Variants in CDCP1 observed in about 807,000 individuals in gnomAD.
CDCP1 encodes the protein CUB domain containing protein 1.
In CDCP1, 29 loss-of-function variants were observed where a neutral mutation model predicts 60.2. The observed-to-expected ratio is 0.48, with a 90% CI of 0.36 to 0.66. The LOEUF (loss-of-function observed/expected upper bound fraction) is 0.66, where lower values mean the gene tolerates loss of function less well. CDCP1 is among the 30% of genes least tolerant of loss of function. The pLI is 0.00. For synonymous variants in CDCP1, 387 were observed against 431.1 expected (o/e 0.90, Z 1.27); for missense variants, 876 against 1,074.3 (o/e 0.82, Z 2.58).
rs762971938 is a variant in CDCP1, at chr3:45,085,950, C to T, written c.2199G>A (p.Val733=). The T allele has an allele frequency of 5.6e-6, 9 of 1,614,194 alleles. No individual in the cohort carries two copies. Among genetic ancestry groups the T allele is most frequent in the Non-Finnish European group, 7.6e-6 (9 of 1,180,024 alleles). The change falls in exon 9 of 9, where the codon GTG becomes GTA. Residue 733 remains valine, a synonymous_variant. Coordinates refer to ENST00000296129, the MANE Select transcript of CDCP1 (RefSeq NM_022842.5). This position sits in a 1 kb window ranked among gnomAD's most constrained non-coding sequence, Gnocchi z 4.2. Reference sequence around the variant, plus strand: ...CCATGGTGTCCTCGATGACTGCATACACATGGGAGTCATTGTCCTTTCGCC... The same window carrying T: ...CCATGGTGTCCTCGATGACTGCATATACATGGGAGTCATTGTCCTTTCGCC... ...QKGRKDNDSH[V]YAVIEDTMVY... is the part of the protein sequence containing the mutation.
At chr3:45,112,843 A>G (rs1211090857) in intron 2 of CDCP1, among the ~76,000 whole-genome samples, 1 of 152,260 alleles carries the variant, frequency 6.6e-6, no homozygotes, top group Non-Finnish European at 1.5e-5. Flanking sequence ...GGTCAGGCTG[A>G]AGCTACTCTT....
chr3:45,099,179 G>A (rs191591950), intron 4 of CDCP1, among the ~76,000 whole-genome samples: 19 of 150,288 alleles, frequency 1.3e-4, no homozygotes, highest in African/African-American at 4.4e-4. Flanking sequence ...GCCTTCAGGT[G>A]CTTCTTGAGA....
intron 1 of CDCP1, among the ~76,000 whole-genome samples, chr3:45,145,232 C>G (rs570719067): frequency 6.6e-6 from 1 of 152,254 alleles, no homozygotes; most frequent in East Asian, 1.9e-4. Context: ...ACCTGCCAAA[C>G]ACAAATCCAC....
At chr3:45,141,423 T>G (rs1699288554) in intron 1 of CDCP1, among the ~76,000 whole-genome samples, 1 of 152,198 alleles carries the variant, frequency 6.6e-6, no homozygotes, top group East Asian at 1.9e-4. Context: ...CAGAAACTGT[T>G]AGAGGTTTTG....
chr3:45,110,378 A>T, intron 4 of CDCP1, 95 bp downstream of exon 4: 1 of 1,512,202 alleles, frequency 6.6e-7, no homozygotes. Flanking sequence ...GAAGCCACAG[A>T]TGAGAAACAG....
chr3:45,099,167 C>T (rs1698451111), intron 4 of CDCP1, among the ~76,000 whole-genome samples: 1 of 150,968 alleles, frequency 6.6e-6, no homozygotes, highest in Non-Finnish European at 1.5e-5. Flanking sequence ...AGGTGGATTA[C>T]AGCCTTCAGG....
chr3:45,122,521 G>A (rs908159931), intron 1 of CDCP1, among the ~76,000 whole-genome samples: 20 of 151,672 alleles, frequency 1.3e-4, no homozygotes, highest in African/African-American at 4.9e-4. Flanking sequence ...GAGTGCAATG[G>A]CGTGATCTTG....
At chr3:45,110,307 T>C (rs966456223) in intron 4 of CDCP1, 166 bp downstream of exon 4, 14 of 1,441,612 alleles carry the variant, frequency 9.7e-6, no homozygotes, top group Middle Eastern at 2.6e-4. Context: ...AACAAGCCTG[T>C]CTAACTGCCT....
In CDCP1 at chr3:45,093,755, C is replaced by T. The variant is rs1456473134; in HGVS notation, c.1247-98G>A. The T allele has an allele frequency of 2.2e-6, 3 of 1,360,454 alleles. No individual in the cohort carries two copies. In the Admixed American group the frequency reaches 6.5e-5, roughly 30 times the overall value. 84.3% of individuals were successfully genotyped at this position (1,360,454 alleles called of 1,614,324 possible). On this transcript the variant is annotated intron_variant, in intron 5 of 8. Transcript: ENST00000296129. The stretch of plus-strand genomic sequence containing the variant: ...CCTGAGGTTGGGTGTCTGCATGCTG[C>T]CCTGTGTTTCCCTTCGGTCTCTCTT...
At chr3:45,103,708 G>T (rs1698520221) in intron 4 of CDCP1, among the ~76,000 whole-genome samples, 1 of 152,196 alleles carries the variant, frequency 6.6e-6, no homozygotes, top group South Asian at 2.1e-4. Flanking sequence ...CTGTTATAAA[G>T]CTAGGCTGCC....
chr3:45,124,314 C>T (rs1698937396), intron 1 of CDCP1, among the ~76,000 whole-genome samples: 1 of 152,164 alleles, frequency 6.6e-6, no homozygotes, highest in Admixed American at 6.5e-5. Context: ...AAATAACTGG[C>T]AACCCGTCTA....
intron 4 of CDCP1, among the ~76,000 whole-genome samples, chr3:45,107,945 A>C (rs532912019): frequency 9.2e-5 from 14 of 151,922 alleles, no homozygotes; most frequent in East Asian, 3.9e-4. Context: ...AGTGAAACCC[A>C]ATCTCTACTA....
At chr3:45,111,349 T>C (rs1250810567) in intron 3 of CDCP1, among the ~76,000 whole-genome samples, 2 of 152,246 alleles carry the variant, frequency 1.3e-5, no homozygotes, top group African/African-American at 4.8e-5. Context: ...CGGATCTGTT[T>C]CACATCAGCT....
intron 1 of CDCP1, among the ~76,000 whole-genome samples, chr3:45,126,168 T>TTCTTTCTTTCTA (rs1576113038): frequency 7.1e-6 from 1 of 141,530 alleles, no homozygotes; most frequent in African/African-American, 2.8e-5. Flanking sequence ...CTTTCTTTCT[T>TTCTTTCTTTCTA]TCTTTCCTTC....
chr3:45,093,601 C>T lies in CDCP1; in HGVS notation c.1303G>A (p.Asp435Asn). The change falls in exon 6 of 9, where the codon GAC becomes AAC. Residue 435 changes from aspartate to asparagine, a missense_variant. Transcript: ENST00000296129. ...RKSYSLQVPS[D>N]ILHLPVELHD... ...AGCTCCACAGGCAGGTGGAGGATGT[C>T]ACTGGGCACCTGGAGTGAGTAGGAT... 1 of 1,614,192 alleles carries T rather than the reference C, an allele frequency of 6.2e-7. No individual in the cohort carries two copies. Among genetic ancestry groups the T allele is most frequent in the Non-Finnish European group, 8.5e-7 (1 of 1,180,036 alleles).
At chr3:45,102,110 T>G (rs768370773) in intron 4 of CDCP1, among the ~76,000 whole-genome samples, 2 of 152,042 alleles carry the variant, frequency 1.3e-5, no homozygotes, top group Admixed American at 6.5e-5. Flanking sequence ...CTTGCTCTAT[T>G]ACCCAGGCTG....
At position 45,085,525 on chromosome 3, in the gene CDCP1, C is replaced by A; in HGVS notation, c.*113G>T. On this transcript the variant is annotated 3_prime_UTR_variant, in exon 9 of 9. Transcript: ENST00000296129. The surrounding 1 kb of genome is among the most constrained non-coding windows in gnomAD (Gnocchi z 4.2). ...AGTTGGCGGTGTCCAGGAAAACCTC[C>A]TGCTGTTCCTTCTGTATAATTCCTC... The A allele has an allele frequency of 8.8e-7, 1 of 1,134,762 alleles. No individual in the cohort carries two copies. Among genetic ancestry groups the A allele is most frequent in the Non-Finnish European group, 1.3e-6 (1 of 787,926 alleles). 70.3% of individuals were successfully genotyped at this position (1,134,762 alleles called of 1,614,324 possible). A position where few individuals can be genotyped will look rare whatever the true frequency, so the allele number is the denominator to read the frequency against.
chr3:45,096,644 A>C (rs979001040), intron 4 of CDCP1, among the ~76,000 whole-genome samples: 1 of 151,542 alleles, frequency 6.6e-6, no homozygotes, highest in African/African-American at 2.4e-5. Context: ...AAAAAAAAAA[A>C]AAAGAGGGAG....
At chr3:45,103,608 A>G (rs1698518996) in intron 4 of CDCP1, among the ~76,000 whole-genome samples, 1 of 152,184 alleles carries the variant, frequency 6.6e-6, no homozygotes. Context: ...GGTGCCTTTA[A>G]GAGGTGATTA....
Sources: gnomAD v4.1 joint callset for allele counts (sites outside exome capture counted in the v4.1 genomes callset) on GRCh38, gnomAD v4.1.1 for gene constraint, Gnocchi (gnomAD v3.1) non-coding constraint, MANE v1.5 for transcripts, NCBI Gene and HGNC (gene_info 2026-07-23, HGNC 2026-07-21) for gene names.